Variants in ANKIB1 observed in about 807,000 individuals in gnomAD.
ANKIB1 encodes ankyrin repeat and IBR domain-containing protein 1.
In ANKIB1, 43 loss-of-function variants were observed where a neutral mutation model predicts 122.1. The ratio of observed to expected loss-of-function variants is 0.35; its 90% CI spans 0.28 to 0.45. The LOEUF is 0.45. Ranked by LOEUF, ANKIB1 falls within the 20% of genes least tolerant of loss-of-function variation. ANKIB1 has a pLI of 1.00. For synonymous variants in ANKIB1, 390 were observed against 442.0 expected, an observed-to-expected ratio of 0.88 and a Z score of 1.48; for missense variants, 992 against 1,329.5, an observed-to-expected ratio of 0.75 and a Z score of 3.95.
chr7:92,330,036 C>G (rs1438454832), intron 5 of ANKIB1, among the ~76,000 whole-genome samples: 1 of 152,192 alleles, frequency 6.6e-6, no homozygotes, highest in Non-Finnish European at 1.5e-5. Context: ...GACTTTATGA[C>G]ATAATCTTTA....
chr7:92,258,985 G>A (rs977941923), intron 1 of ANKIB1, among the ~76,000 whole-genome samples: 11 of 151,920 alleles, frequency 7.2e-5, no homozygotes, highest in Non-Finnish European at 1.3e-4. Flanking sequence ...ACAGAGTCTC[G>A]TTTTATTACC....
intron 11 of ANKIB1, among the ~76,000 whole-genome samples, chr7:92,371,955 GTGTGTGT>G (rs1804269464): frequency 1.8e-4 from 2 of 11,170 alleles, no homozygotes; most frequent in African/African-American, 5.8e-4. Flanking sequence ...AGAGGGGTGT[GTGTGTGT>G]GTGTGTGTGT....
At chr7:92,380,468 G>A (rs746523711) in intron 11 of ANKIB1, among the ~76,000 whole-genome samples, 23 of 152,212 alleles carry the variant, frequency 1.5e-4, no homozygotes, top group African/African-American at 9.6e-5. Flanking sequence ...CTAACTTGGA[G>A]ACACCTCCCA....
At chr7:92,327,473 A>G (rs1347841203) in intron 4 of ANKIB1, among the ~76,000 whole-genome samples, 3 of 152,224 alleles carry the variant, frequency 2.0e-5, no homozygotes, top group Non-Finnish European at 4.4e-5. Flanking sequence ...ATTTGCATAT[A>G]ACCTATGCAT....
Position 92,311,517 on chromosome 7 carries a change from T to C in ANKIB1, c.486+3861T>C, listed in dbSNP as rs1424587048. On this transcript the variant is annotated intron_variant, in intron 3 of 19. Transcript: ENST00000265742. The stretch of plus-strand genomic sequence containing the variant: ...AAGGCCAGCCTGTTTCTTGACTACA[T>C]CTGTGGAAGTATATCTTCTCTAGCT... 3.3e-5 allele frequency among the ~76,000 whole-genome samples: 5 copies of C among 152,184 alleles called. No homozygotes were observed. In the South Asian group the frequency reaches 6.2e-4, roughly 19 times the overall value.
intron 1 of ANKIB1, among the ~76,000 whole-genome samples, chr7:92,249,986 A>C (rs1479591298): frequency 1.3e-5 from 2 of 152,176 alleles, no homozygotes; most frequent in Non-Finnish European, 2.9e-5. Context: ...TTTGACTTAC[A>C]GTCCTTAAAG....
intron 4 of ANKIB1, among the ~76,000 whole-genome samples, chr7:92,320,953 A>T (rs2131950472): frequency 6.6e-6 from 1 of 152,122 alleles, no homozygotes; most frequent in Non-Finnish European, 1.5e-5. Context: ...TTTCCCCGGC[A>T]CACTTTGCTC....
chr7:92,330,759 G>A (rs775897447), intron 5 of ANKIB1, among the ~76,000 whole-genome samples: 21 of 152,196 alleles, frequency 1.4e-4, no homozygotes, highest in Admixed American at 1.0e-3. Flanking sequence ...GGAGAATGGC[G>A]TGAACCCGGG....
chr7:92,271,476 C>T (rs954207783), intron 1 of ANKIB1, among the ~76,000 whole-genome samples: 1 of 152,096 alleles, frequency 6.6e-6, no homozygotes, highest in Non-Finnish European at 1.5e-5. Context: ...TTGGAATCAG[C>T]TGTATCTATA....
intron 3 of ANKIB1, among the ~76,000 whole-genome samples, chr7:92,313,057 G>A (rs1802724585): frequency 6.6e-6 from 1 of 152,118 alleles, no homozygotes; most frequent in South Asian, 2.1e-4. Context: ...ACCTGTAATA[G>A]TGATTCAGTA....
At chr7:92,382,831 T>C (rs1804548604) in intron 11 of ANKIB1, among the ~76,000 whole-genome samples, 1 of 151,964 alleles carries the variant, frequency 6.6e-6, no homozygotes, top group Non-Finnish European at 1.5e-5. Context: ...TTAAAAGAAC[T>C]AGAGAAGCAA....
In ANKIB1 at chr7:92,352,483, T is replaced by C. The variant is rs1803685281; in HGVS notation, c.1238T>C (p.Val413Ala). The C allele has an allele frequency of 6.2e-7, 1 of 1,612,816 alleles. No individual in the cohort carries two copies. The highest frequency in any genetic ancestry group is 8.5e-7 in the Non-Finnish European group (1 of 1,179,644). ...TTATTGCTGTTTAAACAGGCCTTTG[T>C]TGAAAATAATCCTGCCATTAAATGG... is the stretch of plus-strand genomic sequence containing the variant. ...RYLQFDIKAF[V>A]ENNPAIKWCP... The change falls in exon 9 of 20, where the codon GTT becomes GCT. Residue 413 changes from valine (V) to alanine (A), a missense_variant. Val to Ala is a moderately conservative substitution (Grantham distance 64). This residue lies in a region of ANKIB1 where 521 missense variants were observed against 777.7 expected (regional missense o/e 0.67). Coordinates refer to ENST00000265742, the MANE Select transcript of ANKIB1 (RefSeq NM_019004.2).
chr7:92,292,698 A>C (rs1802275401), intron 1 of ANKIB1, among the ~76,000 whole-genome samples: 1 of 152,324 alleles, frequency 6.6e-6, no homozygotes, highest in East Asian at 1.9e-4. Context: ...TTTTAGGCTA[A>C]AGGTTTAGCA....
chr7:92,308,595 A>G (rs1425494740), intron 3 of ANKIB1, among the ~76,000 whole-genome samples: 1 of 152,020 alleles, frequency 6.6e-6, no homozygotes, highest in African/African-American at 2.4e-5. Flanking sequence ...TTATACTGTA[A>G]TTTTTCCATA....
At chr7:92,356,133 G>A (rs1803807614) in intron 9 of ANKIB1, among the ~76,000 whole-genome samples, 1 of 151,998 alleles carries the variant, frequency 6.6e-6, no homozygotes, top group African/African-American at 2.4e-5. Flanking sequence ...TCACAATAAG[G>A]GTTTTGATCA....
intron 5 of ANKIB1, among the ~76,000 whole-genome samples, chr7:92,341,132 C>G (rs1210268644): frequency 6.6e-6 from 1 of 151,974 alleles, no homozygotes; most frequent in African/African-American, 2.4e-5. Flanking sequence ...TGGTGAAACC[C>G]TGTCTCTACT....
intron 18 of ANKIB1, among the ~76,000 whole-genome samples, chr7:92,397,157 C>A (rs2115728560): frequency 6.6e-6 from 1 of 152,146 alleles, no homozygotes; most frequent in South Asian, 2.1e-4. Flanking sequence ...GTAGCACTTG[C>A]ATTTATGAAT....
intron 6 of ANKIB1, among the ~76,000 whole-genome samples, chr7:92,343,443 A>AT (rs753156348): frequency 6.6e-6 from 1 of 152,204 alleles, no homozygotes; most frequent in South Asian, 2.1e-4. Flanking sequence ...TGAAAAAAAA[A>AT]GGTTTTCTTT....
rs1562795425 is a variant in ANKIB1, at chr7:92,371,552, A to G, written c.1562A>G (p.Asn521Ser). 1.2e-6 allele frequency: 2 copies of G among 1,605,742 alleles called. No individual in the cohort carries two copies. Among genetic ancestry groups the G allele is most frequent in the Non-Finnish European group, 1.7e-6 (2 of 1,175,736 alleles). ...WLLTNSKPCANCKSPIQKNEG... is the reference protein window; with the variant it reads ...WLLTNSKPCASCKSPIQKNEG... Reference sequence around the variant, plus strand: ...TTAACTAACTCCAAGCCTTGTGCCAACTGTAAGTCTCCAATACAGAAGAAT... The same window carrying G: ...TTAACTAACTCCAAGCCTTGTGCCAGCTGTAAGTCTCCAATACAGAAGAAT... The change falls in exon 11 of 20, where the codon AAC becomes AGC. Residue 521 changes from asparagine (N) to serine (S), a missense_variant. Coordinates refer to ENST00000265742, the MANE Select transcript of ANKIB1 (RefSeq NM_019004.2).
Sources: allele counts gnomAD v4.1 joint callset (sites outside exome capture counted in the v4.1 genomes callset), GRCh38; gene constraint gnomAD v4.1.1; regional missense constraint gnomAD v4.1.1; transcripts MANE v1.5; gene names NCBI Gene and HGNC (gene_info 2026-07-23, HGNC 2026-07-21).